The following DCPS variants were observed in gnomAD, a reference collection of about 807,000 sequenced individuals.
DCPS encodes the protein m7GpppX diphosphatase.
In DCPS, 27 loss-of-function variants were observed where a neutral mutation model predicts 34.7. That is an observed-to-expected ratio of 0.78 (90% confidence interval 0.57 to 1.07). The LOEUF is 1.07. DCPS is among the 50% of genes least tolerant of loss of function. The probability of loss-of-function intolerance (pLI) is 0.00; values close to 1 mark genes in which losing one functional copy is unlikely to be tolerated. For synonymous variants in DCPS, 185 were observed against 185.7 expected, an observed-to-expected ratio of 1.00 and a Z score of 0.03; for missense variants, 464 against 436.9, an observed-to-expected ratio of 1.06 and a Z score of -0.55.
intron 2 of DCPS, among the ~76,000 whole-genome samples, chr11:126,311,733 T>C (rs1951619766): frequency 6.6e-6 from 1 of 152,162 alleles, no homozygotes; most frequent in Admixed American, 6.5e-5. Context: ...ACAGATGAAG[T>C]TGGGGAAGTA....
chr11:126,328,777 C>T lies in DCPS; in HGVS notation c.377-2628C>T, dbSNP rs1003339713. On this transcript the variant is annotated intron_variant, in intron 2 of 5. Transcript: ENST00000263579. The surrounding 1 kb of genome is among the most constrained non-coding windows in gnomAD (Gnocchi z 6.6). ...CACTGCCCAACCCAGGCAACGGAGG[C>T]AACAGCGGAGAGAATCCAAGCTAGC... Among the ~76,000 whole-genome samples the T allele has an allele frequency of 6.6e-6, 1 of 152,198 alleles. No individual in the cohort carries two copies. The highest frequency in any genetic ancestry group is 6.5e-5 in the Admixed American group (1 of 15,286).
rs1429807236 is a variant in DCPS at position 126,312,663 on chromosome 11, G to T, written c.376+5919G>T. Among the ~76,000 whole-genome samples the T allele has an allele frequency of 6.6e-6, 1 of 152,082 alleles. No homozygotes were observed. The highest frequency in any genetic ancestry group is 2.4e-5 in the African/African-American group (1 of 41,408). ...GCTGGTTTCCTTTTTTAAAATGCTG[G>T]TCTTAATCCCCTAAATTGACTTCAT... On this transcript the variant is annotated intron_variant, in intron 2 of 5. Transcript: ENST00000263579. This position sits in a 1 kb window ranked among gnomAD's most constrained non-coding sequence, Gnocchi z 5.1.
Position 126,345,242 on chromosome 11 carries a change from C to G in DCPS, c.748-105C>G, listed in dbSNP as rs1313695515. The G allele has an allele frequency of 4.6e-6, 7 of 1,522,154 alleles. No homozygotes were observed. In the East Asian group the frequency reaches 1.6e-4, roughly 34 times the overall value. The allele number at this position is 1,522,154 out of a possible 1,614,324, so 94.3% of individuals were successfully genotyped here. A position where few individuals can be genotyped will look rare whatever the true frequency, so the allele number is the denominator to read the frequency against. On this transcript the variant is annotated intron_variant, in intron 5 of 5. Coordinates refer to ENST00000263579, the MANE Select transcript of DCPS (RefSeq NM_014026.6). The surrounding 1 kb of genome is among the most constrained non-coding windows in gnomAD (Gnocchi z 7.4). ...GTTTGGAGGGTTTTTGTGAGCTGTC[C>G]CAGGCCAATCCAGGATTCAGATGGG...
At chr11:126,318,541 T>A (rs1307509469) in intron 2 of DCPS, among the ~76,000 whole-genome samples, 3 of 152,282 alleles carry the variant, frequency 2.0e-5, no homozygotes, top group Non-Finnish European at 4.4e-5. Flanking sequence ...CACCAACCTC[T>A]CGTTCTTTCA....
chr11:126,340,477 G>A (rs1312840474), intron 4 of DCPS, among the ~76,000 whole-genome samples: 3 of 152,100 alleles, frequency 2.0e-5, no homozygotes, highest in Admixed American at 6.6e-5. Flanking sequence ...GTGAGCCACC[G>A]CGCCCGACCT....
rs1479639152 is a variant in DCPS, at chr11:126,342,885, C to G, written c.637-422C>G. Among the ~76,000 whole-genome samples the G allele has an allele frequency of 2.0e-5, 3 of 152,028 alleles. No individual in the cohort carries two copies. The highest frequency in any genetic ancestry group is 6.5e-5 in the Admixed American group (1 of 15,268). On this transcript the variant is annotated intron_variant, in intron 4 of 5. Coordinates refer to ENST00000263579, the MANE Select transcript of DCPS (RefSeq NM_014026.6). The surrounding 1 kb of genome is among the most constrained non-coding windows in gnomAD (Gnocchi z 4.4). The stretch of plus-strand genomic sequence containing the variant: ...ATGAAGTCAGGAGTTTGAGACCAGC[C>G]TGGCCAATATGGTGAAACCCCATCT...
rs12788021 is a variant in DCPS, at chr11:126,312,749, C to A, written c.376+6005C>A. ...GTGTATAGAGCACGTGGCACAGTAG[C>A]TGTCATATGGTCTGTATCCAATAAG... On this transcript the variant is annotated intron_variant, in intron 2 of 5. Transcript: ENST00000263579. This position sits in a 1 kb window ranked among gnomAD's most constrained non-coding sequence, Gnocchi z 5.1. Among the ~76,000 whole-genome samples, 35,821 of 152,110 alleles carry A rather than the reference C, an allele frequency of 0.24. 4,360 individuals are homozygous for A. The highest frequency in any genetic ancestry group is 0.27 in the South Asian group (1,298 of 4,816).
chr11:126,339,024 G>A (rs1403792239), intron 4 of DCPS, among the ~76,000 whole-genome samples: 2 of 152,170 alleles, frequency 1.3e-5, no homozygotes, highest in Non-Finnish European at 2.9e-5. Context: ...TCCCAGACCA[G>A]CCCACCACCA....
rs745966802 is a variant in DCPS, at chr11:126,325,889, G to A, written c.377-5516G>A. Among the ~76,000 whole-genome samples, 2 of 152,168 alleles carry A rather than the reference G, an allele frequency of 1.3e-5. No homozygotes were observed. The highest frequency in any genetic ancestry group is 2.9e-5 in the Non-Finnish European group (2 of 68,030). On this transcript the variant is annotated intron_variant, in intron 2 of 5. Transcript: ENST00000263579. This position sits in a 1 kb window ranked among gnomAD's most constrained non-coding sequence, Gnocchi z 4.3. ...AATCCCAGCACTTTGGGAGGCTGAG[G>A]TGGGCGGATTACGAGATCAGGAAAT...
Position 126,327,971 on chromosome 11 carries a change from C to G in DCPS, c.377-3434C>G, listed in dbSNP as rs1179717537. Among the ~76,000 whole-genome samples, 1 of 152,346 alleles carries G rather than the reference C, an allele frequency of 6.6e-6. No homozygotes were observed. Among genetic ancestry groups the G allele is most frequent in the South Asian group, 2.1e-4 (1 of 4,830 alleles). ...GAGACAGAGGACCCCGAGGTTAGGG[C>G]TGCTGTTTTACCAGAGCTGACCGAG... On this transcript the variant is annotated intron_variant, in intron 2 of 5. Transcript: ENST00000263579. The surrounding 1 kb of genome is among the most constrained non-coding windows in gnomAD (Gnocchi z 4.1).
chr11:126,306,347 C>T (rs368267317), intron 1 of DCPS, among the ~76,000 whole-genome samples: 10 of 151,338 alleles, frequency 6.6e-5, no homozygotes, highest in Admixed American at 5.3e-4. Context: ...CACTCCAATC[C>T]GGGCAACAGA....
Position 126,345,832 on chromosome 11 carries a change from A to C in DCPS, c.*219A>C. On this transcript the variant is annotated 3_prime_UTR_variant, in exon 6 of 6. Transcript: ENST00000263579. This position sits in a 1 kb window ranked among gnomAD's most constrained non-coding sequence, Gnocchi z 7.4. ...TAGAACCTGTGGGAAGGCCTTGAGA[A>C]TGGTGGAAAGTCTCCAGGTGGTGGT... The C allele has an allele frequency of 1.5e-6, 1 of 672,048 alleles. No individual in the cohort carries two copies. Among genetic ancestry groups the C allele is most frequent in the Non-Finnish European group, 2.4e-6 (1 of 410,922 alleles). 41.6% of individuals were successfully genotyped at this position (672,048 alleles called of 1,614,324 possible).
intron 2 of DCPS, among the ~76,000 whole-genome samples, chr11:126,321,252 CAAAA>C (rs776121972): frequency 6.1e-5 from 6 of 97,596 alleles, no homozygotes; most frequent in Admixed American, 4.5e-4. Context: ...GACCTTGTCT[CAAAA>C]AAAAAAAAAA....
rs1290811227 is a variant in DCPS at position 126,338,559 on chromosome 11, G to A, written c.636+160G>A. ...CTCTGTGGGGACTGGGTGGATACCT[G>A]TCATACATAAGTGCTTTTGCTTTAA... On this transcript the variant is annotated intron_variant, in intron 4 of 5. Transcript: ENST00000263579. The surrounding 1 kb of genome is among the most constrained non-coding windows in gnomAD (Gnocchi z 5.4). Among the ~76,000 whole-genome samples the A allele has an allele frequency of 6.6e-6, 1 of 152,208 alleles. No individual in the cohort carries two copies. Among genetic ancestry groups the A allele is most frequent in the Non-Finnish European group, 1.5e-5 (1 of 68,044 alleles).
chr11:126,309,824 C>A (rs595310), intron 2 of DCPS, among the ~76,000 whole-genome samples: 29,864 of 152,144 alleles, frequency 0.2, 3,972 homozygotes, highest in East Asian at 0.65. Flanking sequence ...TATTTTAGGC[C>A]TTGTGAGGCA....
Position 126,342,204 on chromosome 11 carries a change from C to T in DCPS, c.637-1103C>T, listed in dbSNP as rs192964620. ...TTTAGGTGAGCAGGGTGGGTTTTCT[C>T]AGCAAGAGGAAGAGTTCATTTGCTC... On this transcript the variant is annotated intron_variant, in intron 4 of 5. Transcript: ENST00000263579. This position sits in a 1 kb window ranked among gnomAD's most constrained non-coding sequence, Gnocchi z 4.4. 6.6e-6 allele frequency: 1 copy of T among 152,268 alleles called. No homozygotes were observed. Among genetic ancestry groups the T allele is most frequent in the East Asian group, 1.9e-4 (1 of 5,192 alleles). 9.4% of individuals were successfully genotyped at this position (152,268 alleles called of 1,614,324 possible).
rs1951631660 is a variant in DCPS, at chr11:126,313,167, C to T, written c.376+6423C>T. Among the ~76,000 whole-genome samples the T allele has an allele frequency of 6.6e-6, 1 of 152,086 alleles. No individual in the cohort carries two copies. The highest frequency in any genetic ancestry group is 1.9e-4 in the East Asian group (1 of 5,186). On this transcript the variant is annotated intron_variant, in intron 2 of 5. Transcript: ENST00000263579. This position sits in a 1 kb window ranked among gnomAD's most constrained non-coding sequence, Gnocchi z 4.9. ...CCGTGTAAACCAGGAGGTGAAATCTCAAGTTCAGAAGAGGAGACAGGCATT... is the reference window on the plus strand; with the variant it reads ...CCGTGTAAACCAGGAGGTGAAATCTTAAGTTCAGAAGAGGAGACAGGCATT...
At position 126,338,093 on chromosome 11, in the gene DCPS, A is replaced by G. The variant is rs1398383630; in HGVS notation, c.523-193A>G. The G allele has an allele frequency of 6.8e-6, 4 of 590,498 alleles. No homozygotes were observed. The highest frequency in any genetic ancestry group is 2.0e-5 in the South Asian group (1 of 50,052). The allele number at this position is 590,498 out of a possible 1,614,324, so 36.6% of individuals were successfully genotyped here. ...GTGCCAGCTGGAGTGGGAAGGGGGA[A>G]GTCCCTTCTGGACCCCTAAGAACAG... On this transcript the variant is annotated intron_variant, in intron 3 of 5. Coordinates refer to ENST00000263579, the MANE Select transcript of DCPS (RefSeq NM_014026.6). This position sits in a 1 kb window ranked among gnomAD's most constrained non-coding sequence, Gnocchi z 5.4.
chr11:126,343,403 C>T lies in DCPS; in HGVS notation c.733C>T (p.Leu245Phe), dbSNP rs1057453185. ...PEHLPLLRNI[L>F]HQGQEAILQR... ...GCACTTGCCGCTGCTCAGGAACATC[C>T]TCCACCAGGGGCAGGTGAGTGGCTT... Residue 245 changes from leucine (L) to phenylalanine (F), a missense_variant, in exon 5 of 6, where the codon CTC becomes TTC. Leu to Phe is a conservative substitution (Grantham distance 22). Transcript: ENST00000263579. 10 of 1,613,510 alleles carry T rather than the reference C, an allele frequency of 6.2e-6. No individual in the cohort carries two copies. The highest frequency in any genetic ancestry group is 5.9e-6 in the Non-Finnish European group (7 of 1,179,764).
Sources: allele counts gnomAD v4.1 joint callset (sites outside exome capture counted in the v4.1 genomes callset), GRCh38; gene constraint gnomAD v4.1.1; non-coding constraint Gnocchi (gnomAD v3.1); transcripts MANE v1.5; gene names NCBI Gene and HGNC (gene_info 2026-07-23, HGNC 2026-07-21).